Variants in DPP10 observed in about 807,000 individuals in gnomAD.
The protein encoded by DPP10 is dipeptidyl peptidase like 10.
In DPP10, 33 loss-of-function variants were observed where a neutral mutation model predicts 120.9. That is an observed-to-expected ratio of 0.27 (90% CI 0.21 to 0.37). DPP10 has a LOEUF of 0.37. DPP10 is among the 10% of genes least tolerant of loss of function. DPP10 has a pLI of 1.00. For synonymous variants in DPP10, 337 were observed against 326.1 expected (o/e 1.03, Z -0.36); for missense variants, 816 against 942.8 (o/e 0.87, Z 1.76).
At chr2:114,937,535 T>C (rs999668988) in intron 1 of DPP10, among the ~76,000 whole-genome samples, 1 of 152,200 alleles carries the variant, frequency 6.6e-6, no homozygotes, top group Non-Finnish European at 1.5e-5. Context: ...TGTTTACCCT[T>C]AAGGTTTCAC....
chr2:114,907,150 T>A (rs773368409), intron 1 of DPP10, among the ~76,000 whole-genome samples: 12 of 151,698 alleles, frequency 7.9e-5, no homozygotes, highest in Non-Finnish European at 1.8e-4. Flanking sequence ...TAAAAAAAAA[T>A]ATTTCTGTAA....
At chr2:114,713,988 A>T (rs1303756417) in intron 1 of DPP10, among the ~76,000 whole-genome samples, 1 of 151,158 alleles carries the variant, frequency 6.6e-6, no homozygotes, top group African/African-American at 2.4e-5. Flanking sequence ...GTCTCAAAAA[A>T]AAAAAAGAAA....
intron 5 of DPP10, among the ~76,000 whole-genome samples, chr2:115,541,396 A>G (rs2079162183): frequency 6.6e-6 from 1 of 151,754 alleles, no homozygotes; most frequent in African/African-American, 2.4e-5. Flanking sequence ...TGTAGAGGTT[A>G]TTGAGGCATA....
intron 3 of DPP10, among the ~76,000 whole-genome samples, chr2:115,384,636 AAAGAAGGAAGAAG>A (rs747863548): frequency 0.018 from 2,652 of 150,292 alleles, 42 homozygotes; most frequent in South Asian, 0.037. Flanking sequence ...GAGGAAGAAG[AAAGAAGGAAGAAG>A]AAGAAGGAAG....
At chr2:115,399,663 G>T (rs1482176581) in intron 3 of DPP10, among the ~76,000 whole-genome samples, 4 of 152,022 alleles carry the variant, frequency 2.6e-5, no homozygotes, top group South Asian at 2.1e-4. Flanking sequence ...TATGCTTAAA[G>T]TCCCATTTAG....
chr2:115,324,349 T>G (rs2106122287), intron 2 of DPP10, among the ~76,000 whole-genome samples: 1 of 152,294 alleles, frequency 6.6e-6, no homozygotes, highest in African/African-American at 2.4e-5. Context: ...ATCTCTCGTT[T>G]AGCATAGCCA....
rs573796268 is a variant in DPP10, at chr2:115,782,534, C to T, written c.1531+135C>T. 3.8e-5 allele frequency: 28 copies of T among 746,288 alleles called. No homozygotes were observed. The South Asian group carries it at 5.1e-4, about 14-fold the overall frequency. The allele number at this position is 746,288 out of a possible 1,614,324, so 46.2% of individuals were successfully genotyped here. A position where few individuals can be genotyped will look rare whatever the true frequency, so the allele number is the denominator to read the frequency against. On this transcript the variant is annotated intron_variant, in intron 17 of 25. Coordinates refer to ENST00000410059, the MANE Select transcript of DPP10 (RefSeq NM_020868.6). ...CACCATGAGGAAAGCTGCGTGTATACCATCAACTTGACCTTATGTATGTAA... is the reference window on the plus strand; with the variant it reads ...CACCATGAGGAAAGCTGCGTGTATATCATCAACTTGACCTTATGTATGTAA...
intron 13 of DPP10, among the ~76,000 whole-genome samples, chr2:115,772,460 TGTGA>T (rs1244589782): frequency 6.6e-6 from 1 of 152,150 alleles, no homozygotes; most frequent in Non-Finnish European, 1.5e-5. Context: ...AAGCAAAATT[TGTGA>T]GTGTTTTCTC....
At chr2:114,987,668 CT>C (rs1700484823) in intron 1 of DPP10, among the ~76,000 whole-genome samples, 1 of 152,134 alleles carries the variant, frequency 6.6e-6, no homozygotes, top group African/African-American at 2.4e-5. Context: ...TTCTTAAGCA[CT>C]TTCTTAAAGC....
chr2:114,477,799 A>G (rs982908698), intron 1 of DPP10, among the ~76,000 whole-genome samples: 1 of 151,070 alleles, frequency 6.6e-6, no homozygotes, highest in African/African-American at 2.4e-5. Context: ...ATGTATATGC[A>G]CATATACATA....
intron 1 of DPP10, among the ~76,000 whole-genome samples, chr2:114,984,330 G>C (rs749444653): frequency 1.3e-5 from 2 of 152,062 alleles, no homozygotes; most frequent in Admixed American, 6.6e-5. Context: ...GGCTAGTCTG[G>C]GGCAAATTCG....
At chr2:114,775,560 T>TA (rs1271344441) in intron 1 of DPP10, among the ~76,000 whole-genome samples, 4 of 152,180 alleles carry the variant, frequency 2.6e-5, no homozygotes, top group Non-Finnish European at 1.5e-5. Flanking sequence ...AAACTGGGCT[T>TA]AAACTAGGTA....
intron 2 of DPP10, among the ~76,000 whole-genome samples, chr2:115,334,320 A>C (rs2062987937): frequency 6.7e-6 from 1 of 148,440 alleles, no homozygotes; most frequent in African/African-American, 2.5e-5. Context: ...TATAGAAGGA[A>C]ATCCCTAGTA....
chr2:115,626,159 A>G (rs1197845043), intron 5 of DPP10, among the ~76,000 whole-genome samples: 1 of 151,892 alleles, frequency 6.6e-6, no homozygotes, highest in African/African-American at 2.4e-5. Context: ...AAAGCAAGAA[A>G]CTTGCTTTAT....
chr2:114,730,086 C>T (rs1676745653), intron 1 of DPP10, among the ~76,000 whole-genome samples: 1 of 151,934 alleles, frequency 6.6e-6, no homozygotes, highest in African/African-American at 2.4e-5. Context: ...TAAGCATTCT[C>T]TGAATAAATG....
At chr2:115,415,273 G>A (rs751172264) in intron 3 of DPP10, among the ~76,000 whole-genome samples, 10 of 152,174 alleles carry the variant, frequency 6.6e-5, no homozygotes, top group Admixed American at 1.3e-4. Flanking sequence ...TGATTATTTG[G>A]TTTTGGTGCC....
intron 19 of DPP10, among the ~76,000 whole-genome samples, chr2:115,796,978 G>A (rs1000696092): frequency 1.1e-4 from 16 of 151,944 alleles, no homozygotes; most frequent in African/African-American, 3.1e-4. Context: ...TGCCTACATA[G>A]TCCACCGTAT....
intron 1 of DPP10, among the ~76,000 whole-genome samples, chr2:114,808,324 C>A (rs575238152): frequency 9.9e-5 from 15 of 152,280 alleles, no homozygotes; most frequent in African/African-American, 3.6e-4. Context: ...AACAATACTT[C>A]TGTAAACATT....
At chr2:114,675,870 A>G (rs373091204) in intron 1 of DPP10, among the ~76,000 whole-genome samples, 1 of 151,490 alleles carries the variant, frequency 6.6e-6, no homozygotes, top group South Asian at 2.1e-4. Context: ...GTGTGATCTC[A>G]GCTCACTGCA....
Sources: allele counts gnomAD v4.1 joint callset (sites outside exome capture counted in the v4.1 genomes callset), GRCh38; gene constraint gnomAD v4.1.1; transcripts MANE v1.5; gene names NCBI Gene and HGNC (gene_info 2026-07-23, HGNC 2026-07-21).